Variants in ADGRB3 observed in about 807,000 individuals in gnomAD.
The protein encoded by ADGRB3 is adhesion G protein-coupled receptor B3, also known as brain-specific angiogenesis inhibitor 3.
Under a neutral mutation model 193.4 loss-of-function variants are expected in ADGRB3, and 37 were observed. The ratio of observed to expected loss-of-function variants is 0.19; its 90% CI spans 0.15 to 0.25. The LOEUF is 0.25. ADGRB3 is among the 10% of genes least tolerant of loss of function. The probability of loss-of-function intolerance (pLI) is 1.00; values close to 1 mark genes in which losing one functional copy is unlikely to be tolerated. For missense variants in ADGRB3, 1,637 were observed against 1,852.9 expected (o/e 0.88, Z 2.14); for synonymous variants, 690 against 644.2 (o/e 1.07, Z -1.08).
chr6:68,909,003 AAT>A (rs2150236346), intron 3 of ADGRB3, among the ~76,000 whole-genome samples: 1 of 152,276 alleles, frequency 6.6e-6, no homozygotes, highest in Admixed American at 6.5e-5. Flanking sequence ...AAATCCTGTC[AAT>A]ATCCTATTTG....
At chr6:69,298,000 A>G (rs1015822212) in intron 20 of ADGRB3, among the ~76,000 whole-genome samples, 11 of 152,182 alleles carry the variant, frequency 7.2e-5, no homozygotes, top group African/African-American at 2.6e-4. Context: ...TTCTCACATT[A>G]TTCTTGAGTT....
intron 28 of ADGRB3, among the ~76,000 whole-genome samples, chr6:69,356,443 T>C (rs1769339082): frequency 6.6e-6 from 1 of 151,958 alleles, no homozygotes; most frequent in Admixed American, 6.6e-5. Flanking sequence ...AAAATAGAAT[T>C]CTTAAAATGG....
At position 69,383,069 on chromosome 6, in the gene ADGRB3, A is replaced by G. The variant is rs1769986410; in HGVS notation, c.4380+134A>G. On this transcript the variant is annotated intron_variant, in intron 31 of 31. Coordinates refer to ENST00000370598, the MANE Select transcript of ADGRB3 (RefSeq NM_001704.3). The stretch of plus-strand genomic sequence containing the variant: ...AAAAAAAAGTATAAGCCCCCAAAAC[A>G]TACTTTGGAAAGTCTACCAAGACAA... 5 of 478,494 alleles carry G rather than the reference A, an allele frequency of 1.0e-5. No homozygotes were observed. The East Asian group carries it at 1.4e-4, about 13-fold the overall frequency. 29.6% of individuals were successfully genotyped at this position (478,494 alleles called of 1,614,324 possible). A position where few individuals can be genotyped will look rare whatever the true frequency, so the allele number is the denominator to read the frequency against.
At chr6:68,911,294 C>T (rs1375298921) in intron 3 of ADGRB3, among the ~76,000 whole-genome samples, 1 of 150,896 alleles carries the variant, frequency 6.6e-6, no homozygotes, top group Non-Finnish European at 1.5e-5. Context: ...GGAGGGCTAG[C>T]ATTAGGAGAT....
chr6:68,724,165 C>T (rs762012362), intron 3 of ADGRB3, among the ~76,000 whole-genome samples: 2 of 151,002 alleles, frequency 1.3e-5, no homozygotes, highest in East Asian at 2.0e-4. Context: ...TTATATGGTG[C>T]TTGTTATGTA....
chr6:69,280,698 C>G (rs1767415228), intron 20 of ADGRB3, among the ~76,000 whole-genome samples: 2 of 152,218 alleles, frequency 1.3e-5, no homozygotes, highest in South Asian at 4.1e-4. Context: ...AGGTTTTAAT[C>G]AATTTTTCTA....
intron 6 of ADGRB3, among the ~76,000 whole-genome samples, chr6:68,945,504 T>G (rs1247292431): frequency 6.6e-6 from 1 of 152,104 alleles, no homozygotes; most frequent in Admixed American, 6.6e-5. Context: ...ATTTATACTT[T>G]TTAAATTTTT....
chr6:68,708,423 G>C (rs1175129284), intron 3 of ADGRB3, among the ~76,000 whole-genome samples: 1 of 152,094 alleles, frequency 6.6e-6, no homozygotes, highest in Non-Finnish European at 1.5e-5. Flanking sequence ...GGCTAAATTG[G>C]CCTTGACTTA....
intron 3 of ADGRB3, among the ~76,000 whole-genome samples, chr6:68,691,311 A>AATTAC (rs1268887037): frequency 6.6e-6 from 1 of 152,038 alleles, no homozygotes; most frequent in Non-Finnish European, 1.5e-5. Flanking sequence ...CTGACTTTGT[A>AATTAC]AGAGTGCTAA....
At chr6:68,982,995 C>T (rs1419749001) in intron 10 of ADGRB3, among the ~76,000 whole-genome samples, 1 of 152,112 alleles carries the variant, frequency 6.6e-6, no homozygotes, top group Non-Finnish European at 1.5e-5. Context: ...ACTTACATAG[C>T]TCTCTGATGT....
At chr6:69,039,264 AAC>A (rs1278782711) in intron 13 of ADGRB3, among the ~76,000 whole-genome samples, 2 of 151,572 alleles carry the variant, frequency 1.3e-5, no homozygotes, top group African/African-American at 2.4e-5. Flanking sequence ...AAAAAAAAAA[AAC>A]ATATGTTTAG....
At chr6:69,165,385 C>A (rs1231427788) in intron 17 of ADGRB3, among the ~76,000 whole-genome samples, 1 of 151,978 alleles carries the variant, frequency 6.6e-6, no homozygotes, top group Non-Finnish European at 1.5e-5. Flanking sequence ...TGGGAACTAT[C>A]TTCTCCCGCG....
intron 3 of ADGRB3, among the ~76,000 whole-genome samples, chr6:68,664,170 C>T (rs1768740483): frequency 6.6e-6 from 1 of 151,732 alleles, no homozygotes; most frequent in Non-Finnish European, 1.5e-5. Context: ...TAATTTTAAG[C>T]ACATTTTTTA....
intron 8 of ADGRB3, among the ~76,000 whole-genome samples, chr6:68,958,870 A>T (rs1161542913): frequency 9.5e-5 from 14 of 147,336 alleles, no homozygotes; most frequent in African/African-American, 3.3e-4. Context: ...AAAGAAAAAT[A>T]GTGTGTGTGT....
intron 3 of ADGRB3, among the ~76,000 whole-genome samples, chr6:68,673,275 C>A (rs1175387861): frequency 6.6e-6 from 1 of 152,050 alleles, no homozygotes; most frequent in Admixed American, 6.6e-5. Flanking sequence ...GGGAAGTAAC[C>A]TACCAAGTTC....
At chr6:68,876,507 C>T (rs531918997) in intron 3 of ADGRB3, among the ~76,000 whole-genome samples, 57 of 152,156 alleles carry the variant, frequency 3.7e-4, no homozygotes, top group African/African-American at 1.3e-3. Context: ...AATATATAGT[C>T]GCAGCAAAAA....
chr6:68,878,040 G>C (rs1478373379), intron 3 of ADGRB3, among the ~76,000 whole-genome samples: 1 of 151,942 alleles, frequency 6.6e-6, no homozygotes, highest in African/African-American at 2.4e-5. Flanking sequence ...ACTCATGTCA[G>C]CTTTTCTACA....
In ADGRB3 at chr6:68,638,999, A is replaced by G; in HGVS notation, c.324A>G (p.Ile108Met). ...ATCTTTTAAGAAAGAATCATTCTAT[A>G]ATGCAACTCTGCAATTCCAAGAATG... The part of the protein sequence containing the change: ...IKDLLRKNHS[I>M]MQLCNSKNAF... The change falls in exon 3 of 32, where the codon ATA becomes ATG. Residue 108 changes from isoleucine (I) to methionine (M), a missense_variant. Transcript: ENST00000370598. The G allele has an allele frequency of 6.2e-7, 1 of 1,613,558 alleles. No individual in the cohort carries two copies. The highest frequency in any genetic ancestry group is 1.1e-5 in the South Asian group (1 of 91,030).
chr6:69,179,230 G>T (rs563881795), intron 17 of ADGRB3, among the ~76,000 whole-genome samples: 41 of 152,216 alleles, frequency 2.7e-4, no homozygotes, highest in African/African-American at 9.4e-4. Flanking sequence ...TAGTTTGAAA[G>T]ACTGGTCTTC....
Sources: allele counts gnomAD v4.1 joint callset (sites outside exome capture counted in the v4.1 genomes callset), GRCh38; gene constraint gnomAD v4.1.1; transcripts MANE v1.5; gene names NCBI Gene and HGNC (gene_info 2026-07-23, HGNC 2026-07-21).